ANK2: variants seen among roughly 807,000 people sequenced by gnomAD.
ANK2 encodes the protein ankyrin-2.
Under a neutral mutation model 360.5 loss-of-function variants are expected in ANK2, and 83 were observed. The ratio of observed to expected loss-of-function variants is 0.23; its 90% confidence interval spans 0.19 to 0.28. ANK2 has a LOEUF of 0.28. Ranked by LOEUF, ANK2 falls within the 10% of genes least tolerant of loss-of-function variation. The pLI is 1.00. For synonymous variants in ANK2, 1,740 were observed against 1,759.5 expected, an observed-to-expected ratio of 0.99 and a Z score of 0.28; for missense variants, 4,201 against 4,795.7, an observed-to-expected ratio of 0.88 and a Z score of 3.66.
chr4:113,237,909 T>A lies in ANK2; in HGVS notation c.693+287T>A, dbSNP rs2099396204. On this transcript the variant is annotated intron_variant, in intron 7 of 45. Transcript: ENST00000357077. Reference sequence around the variant, plus strand: ...TTAATGAGTGAGATTTACTATTAACTTATTGTCAAGAAGAGATATGATTTT... The same window carrying A: ...TTAATGAGTGAGATTTACTATTAACATATTGTCAAGAAGAGATATGATTTT... 2.0e-5 allele frequency among the ~76,000 whole-genome samples: 3 copies of A among 152,350 alleles called. No individual in the cohort carries two copies. The South Asian group carries it at 6.2e-4, about 32-fold the overall frequency.
chr4:113,092,168 T>C (rs918743397), intron 1 of ANK2, among the ~76,000 whole-genome samples: 1 of 152,244 alleles, frequency 6.6e-6, no homozygotes, highest in Non-Finnish European at 1.5e-5. Flanking sequence ...TGTGGTAATG[T>C]ACAAAGATGA....
chr4:113,244,591 G>A (rs2041852140), intron 9 of ANK2, among the ~76,000 whole-genome samples: 1 of 152,102 alleles, frequency 6.6e-6, no homozygotes, highest in Non-Finnish European at 1.5e-5. Context: ...CCCAGGATTA[G>A]CTACAATATT....
chr4:112,785,311 T>A, the ANK2 span, among the ~76,000 whole-genome samples: 1 of 152,194 alleles, frequency 6.6e-6, no homozygotes, highest in Admixed American at 6.5e-5. Flanking sequence ...CCTCAATGAA[T>A]GGGTGAAGCT....
intron 14 of ANK2, among the ~76,000 whole-genome samples, chr4:113,266,877 C>CA (rs375127476): frequency 0.028 from 4,008 of 143,032 alleles, 80 homozygotes; most frequent in Non-Finnish European, 0.041. Context: ...AACTCTGTCT[C>CA]AAAAAAAAAA....
intron 23 of ANK2, among the ~76,000 whole-genome samples, chr4:113,307,782 G>A (rs1181690806): frequency 1.3e-5 from 2 of 152,108 alleles, no homozygotes; most frequent in African/African-American, 4.8e-5. Context: ...CTATCACTGA[G>A]GAATCTTGTG....
chr4:113,280,637 A>C (rs1423276142), intron 17 of ANK2, among the ~76,000 whole-genome samples: 2 of 152,136 alleles, frequency 1.3e-5, no homozygotes, highest in African/African-American at 4.8e-5. Flanking sequence ...GCTTCTTTCC[A>C]CCAGAGTCCA....
chr4:113,108,155 A>G (rs903287521), intron 1 of ANK2, among the ~76,000 whole-genome samples: 1 of 152,172 alleles, frequency 6.6e-6, no homozygotes, highest in African/African-American at 2.4e-5. Flanking sequence ...AAAATAAACA[A>G]TACCTATTTG....
At chr4:113,073,239 A>G (rs1337194590) in intron 1 of ANK2, among the ~76,000 whole-genome samples, 3 of 151,940 alleles carry the variant, frequency 2.0e-5, no homozygotes, top group African/African-American at 4.8e-5. Context: ...TACAGTAGTG[A>G]GCCACCGTGT....
At chr4:112,847,968 C>G (rs1194407758) in intron 1 of ANK2, among the ~76,000 whole-genome samples, 1 of 152,098 alleles carries the variant, frequency 6.6e-6, no homozygotes, top group African/African-American at 2.4e-5. Flanking sequence ...TATGTTTGTT[C>G]CTGTTTCTTC....
chr4:112,738,893 A>C, the ANK2 span: 18 of 679,736 alleles, frequency 2.6e-5, no homozygotes, highest in East Asian at 5.5e-4. Context: ...AAACAAAAAA[A>C]CAAAAAACAA....
At chr4:112,877,735 T>C (rs181686588) in intron 1 of ANK2, among the ~76,000 whole-genome samples, 13 of 152,274 alleles carry the variant, frequency 8.5e-5, no homozygotes, top group Non-Finnish European at 1.3e-4. Context: ...ACTCAGAATC[T>C]ACACTTCTCT....
At chr4:112,748,069 A>G in the ANK2 span, among the ~76,000 whole-genome samples, 1 of 152,178 alleles carries the variant, frequency 6.6e-6, no homozygotes, top group Non-Finnish European at 1.5e-5. Flanking sequence ...TTTGTAAGGC[A>G]TCCTCCAAGT....
chr4:113,175,138 TC>T (rs904099903), intron 2 of ANK2, among the ~76,000 whole-genome samples: 2 of 152,182 alleles, frequency 1.3e-5, no homozygotes, highest in Non-Finnish European at 2.9e-5. Flanking sequence ...ACTGCAGTAT[TC>T]ACTTCAATGC....
At position 113,074,035 on chromosome 4, in the gene ANK2, G is replaced by A. The variant is rs975784480; in HGVS notation, c.84+24223G>A. Among the ~76,000 whole-genome samples the A allele has an allele frequency of 5.9e-5, 9 of 152,176 alleles. 1 individual carries two copies. The highest frequency in any genetic ancestry group is 3.9e-4 in the Admixed American group (6 of 15,278). ...GAAAATCCAAATCTACAGAGTGAAC[G>A]TTTGATGGCAGATGAGTTGAGGAAA... On this transcript the variant is annotated intron_variant, in intron 1 of 45. Coordinates refer to ENST00000357077, the MANE Select transcript of ANK2 (RefSeq NM_001148.6).
At chr4:113,221,144 T>G (rs979517736) in intron 4 of ANK2, among the ~76,000 whole-genome samples, 2 of 152,084 alleles carry the variant, frequency 1.3e-5, no homozygotes, top group African/African-American at 2.4e-5. Context: ...GTAGATAAGG[T>G]CTGCAGACAG....
intron 1 of ANK2, among the ~76,000 whole-genome samples, chr4:112,889,267 G>C (rs2079263006): frequency 6.6e-6 from 1 of 151,272 alleles, no homozygotes; most frequent in African/African-American, 2.4e-5. Flanking sequence ...AATTCTCTTG[G>C]TGTGCTTACC....
At chr4:112,935,339 G>A (rs2093639400) in intron 2 of ANK2, among the ~76,000 whole-genome samples, 2 of 152,200 alleles carry the variant, frequency 1.3e-5, no homozygotes, top group Non-Finnish European at 2.9e-5. Context: ...GTGTAAAACT[G>A]TGAAGGCAAA....
intron 2 of ANK2, among the ~76,000 whole-genome samples, chr4:112,994,060 A>C (rs1037830959): frequency 6.6e-5 from 10 of 152,204 alleles, no homozygotes; most frequent in African/African-American, 2.4e-4. Flanking sequence ...TTCATTTGAC[A>C]GTCTGGAACA....
intron 4 of ANK2, among the ~76,000 whole-genome samples, chr4:113,226,140 C>T (rs562871512): frequency 5.3e-5 from 8 of 152,294 alleles, no homozygotes; most frequent in African/African-American, 1.9e-4. Flanking sequence ...CAAAAACCTG[C>T]TTTCCACTCT....
Sources: gnomAD v4.1 joint callset for allele counts (sites outside exome capture counted in the v4.1 genomes callset) on GRCh38, gnomAD v4.1.1 for gene constraint, MANE v1.5 for transcripts, NCBI Gene and HGNC (gene_info 2026-07-23, HGNC 2026-07-21) for gene names.